Variants in KCNN2 observed in about 807,000 individuals in gnomAD.
KCNN2 encodes the protein potassium calcium-activated channel subfamily N member 2, also known as small conductance calcium-activated potassium channel protein 2.
In KCNN2, 24 loss-of-function variants were observed where a neutral mutation model predicts 55.5. The ratio of observed to expected loss-of-function variants is 0.43; its 90% CI spans 0.31 to 0.61. The LOEUF (loss-of-function observed/expected upper bound fraction) is 0.61, where lower values mean the gene tolerates loss of function less well. Among genes scored for constraint, KCNN2 ranks in the 20% least tolerant of loss-of-function variants. The pLI, the probability that KCNN2 is intolerant of heterozygous loss-of-function variation, is 0.08. For synonymous variants in KCNN2, 431 were observed against 336.1 expected (o/e 1.28, Z -3.09); for missense variants, 754 against 853.6 (o/e 0.88, Z 1.45).
intron 3 of KCNN2, among the ~76,000 whole-genome samples, chr5:114,437,399 T>G (rs1265818675): frequency 1.3e-5 from 2 of 151,980 alleles, no homozygotes; most frequent in Non-Finnish European, 2.9e-5. Context: ...TTTAGAAATT[T>G]TAATTGAGGT....
chr5:114,184,410 G>A (rs1480070655), intron 1 of KCNN2, among the ~76,000 whole-genome samples: 7 of 152,130 alleles, frequency 4.6e-5, no homozygotes, highest in Admixed American at 3.9e-4. Context: ...AAAAAGATAT[G>A]TAGAAAGAAA....
At chr5:114,374,837 T>C (rs771437663) in intron 2 of KCNN2, among the ~76,000 whole-genome samples, 24 of 152,302 alleles carry the variant, frequency 1.6e-4, no homozygotes, top group Non-Finnish European at 2.8e-4. Flanking sequence ...TTCTTTAATA[T>C]TCTGGGCATT....
chr5:114,426,412 A>C (rs1253120338), intron 3 of KCNN2, among the ~76,000 whole-genome samples: 2 of 151,988 alleles, frequency 1.3e-5, no homozygotes, highest in Admixed American at 6.6e-5. Flanking sequence ...TATTTTGTTG[A>C]GTTTTTTAAA....
At chr5:114,443,446 A>G (rs1048227927) in intron 3 of KCNN2, among the ~76,000 whole-genome samples, 4 of 152,342 alleles carry the variant, frequency 2.6e-5, no homozygotes, top group African/African-American at 9.6e-5. Flanking sequence ...CATTGTTCTC[A>G]TGTAGAAAGA....
intron 1 of KCNN2, among the ~76,000 whole-genome samples, chr5:114,061,040 C>T (rs1485544987): frequency 6.6e-6 from 1 of 152,180 alleles, no homozygotes; most frequent in East Asian, 1.9e-4. Context: ...TTCCATTGCA[C>T]ATAATTCATG....
chr5:114,175,225 A>T (rs10074992), intron 1 of KCNN2, among the ~76,000 whole-genome samples: 3,744 of 152,272 alleles, frequency 0.025, 143 homozygotes, highest in African/African-American at 0.085. Flanking sequence ...ATTTGGTATT[A>T]TTCTCACACA....
At chr5:114,189,780 T>C (rs6594793) in intron 1 of KCNN2, among the ~76,000 whole-genome samples, 130,818 of 152,132 alleles carry the variant, frequency 0.86, 56,450 homozygotes, top group East Asian at 0.94. Context: ...GAACAGAGAA[T>C]CCAGAAAGAT....
At position 114,125,762 on chromosome 5, in the gene KCNN2, T is replaced by A. The variant is rs74949499; in HGVS notation, c.-271+69262T>A. ...GAGGCCTCTCTCTTTGTCTTGTAGG[T>A]GGCTGTCTTCTCCCTGTGTCTTTAC... On this transcript the variant is annotated intron_variant, in intron 1 of 10. Coordinates refer to the KCNN2 transcript ENST00000512097. 2.6e-3 allele frequency among the ~76,000 whole-genome samples: 401 copies of A among 152,296 alleles called. 1 individual carries two copies. Among genetic ancestry groups the A allele is most frequent in the African/African-American group, 8.9e-3 (368 of 41,568 alleles).
chr5:114,092,344 G>T (rs1443019868), intron 1 of KCNN2, among the ~76,000 whole-genome samples: 2 of 152,214 alleles, frequency 1.3e-5, no homozygotes, highest in African/African-American at 4.8e-5. Context: ...GGGCTCCCAT[G>T]GCCTTGGGCA....
At chr5:114,253,650 G>A (rs1754924910) in intron 2 of KCNN2, 1 of 152,452 alleles carries the variant, frequency 6.6e-6, no homozygotes, top group African/African-American at 2.4e-5. Context: ...TGGTTGAAGA[G>A]GACGACCTTG....
intron 1 of KCNN2, among the ~76,000 whole-genome samples, chr5:114,140,801 T>C (rs1752263510): frequency 6.7e-6 from 1 of 148,248 alleles, no homozygotes; most frequent in African/African-American, 2.5e-5. Context: ...TTATTATTAT[T>C]ATTTTGAGAC....
In KCNN2 at chr5:114,200,750, G is replaced by T. The variant is rs76637392; in HGVS notation, c.-270-20730G>T. Among the ~76,000 whole-genome samples the T allele has an allele frequency of 2.5e-3, 387 of 151,908 alleles. 4 individuals carry two copies. Among genetic ancestry groups the T allele is most frequent in the African/African-American group, 8.9e-3 (370 of 41,432 alleles). On this transcript the variant is annotated intron_variant, in intron 1 of 10. Coordinates refer to the KCNN2 transcript ENST00000512097. ...ACTTTGGCCTTGATTTTGGATAGTT[G>T]CCGTAGTGTGATATTTGCGTGAGTT...
intron 5 of KCNN2, 63 bp from the exon 6 acceptor site, chr5:114,486,987 C>T: frequency 1.3e-6 from 2 of 1,586,452 alleles, no homozygotes; most frequent in Non-Finnish European, 1.7e-6. Flanking sequence ...CTATGACCCC[C>T]AGCAAAGTTA....
chr5:114,177,954 CTG>C (rs1382886837), intron 1 of KCNN2, among the ~76,000 whole-genome samples: 2 of 152,052 alleles, frequency 1.3e-5, no homozygotes, highest in East Asian at 1.9e-4. Context: ...ATTCAGAAAC[CTG>C]TGTTACGCCT....
At chr5:114,093,812 T>TC (rs1026862838) in intron 1 of KCNN2, among the ~76,000 whole-genome samples, 2 of 152,284 alleles carry the variant, frequency 1.3e-5, no homozygotes, top group African/African-American at 4.8e-5. Context: ...ACCTGGTCTC[T>TC]CCCTTGACAA....
chr5:114,201,302 A>AATG (rs1276952845), intron 1 of KCNN2, among the ~76,000 whole-genome samples: 33 of 152,162 alleles, frequency 2.2e-4, no homozygotes, highest in African/African-American at 7.5e-4. Context: ...TAATAATAAT[A>AATG]ATAATAATGA....
chr5:114,290,206 T>C (rs1417360340), intron 2 of KCNN2, among the ~76,000 whole-genome samples: 4 of 152,138 alleles, frequency 2.6e-5, no homozygotes, highest in African/African-American at 9.7e-5. Flanking sequence ...ATATGTTTGG[T>C]GGAATTCACG....
intron 1 of KCNN2, among the ~76,000 whole-genome samples, chr5:114,144,031 A>G (rs913942625): frequency 6.6e-6 from 1 of 152,190 alleles, no homozygotes; most frequent in Non-Finnish European, 1.5e-5. Context: ...AACCCGTCAG[A>G]TATACTGTCT....
At chr5:114,303,588 T>G (rs1037346404) in intron 2 of KCNN2, among the ~76,000 whole-genome samples, 3 of 152,156 alleles carry the variant, frequency 2.0e-5, no homozygotes, top group African/African-American at 7.2e-5. Flanking sequence ...TGACAGTACA[T>G]TATTTGGGCT....
Sources: gnomAD v4.1 joint callset for allele counts (sites outside exome capture counted in the v4.1 genomes callset) on GRCh38, gnomAD v4.1.1 for gene constraint, MANE v1.5 for transcripts, NCBI Gene and HGNC (gene_info 2026-07-23, HGNC 2026-07-21) for gene names.